Variants in DCTN4 observed in about 807,000 individuals in gnomAD.
DCTN4 encodes the protein dynactin 4 (p62).
DCTN4 carries 23 observed loss-of-function variants against 62.7 expected under a neutral mutation model. That is an observed-to-expected ratio of 0.37 (90% confidence interval 0.26 to 0.52). The LOEUF (loss-of-function observed/expected upper bound fraction) is 0.52, where lower values mean the gene tolerates loss of function less well. DCTN4 is among the 20% of genes least tolerant of loss of function. DCTN4 has a pLI of 0.92. For synonymous variants in DCTN4, 199 were observed against 202.1 expected (o/e 0.98, Z 0.13); for missense variants, 514 against 580.4 (o/e 0.89, Z 1.18).
At chr5:150,713,973 C>T (rs1274075310) in intron 12 of DCTN4, among the ~76,000 whole-genome samples, 1 of 151,840 alleles carries the variant, frequency 6.6e-6, no homozygotes, top group Admixed American at 6.6e-5. Context: ...AAAAATTGGC[C>T]AGGCGTGGTG....
chr5:150,758,159 C>A (rs538866113), intron 1 of DCTN4: 1 of 985,444 alleles, frequency 1.0e-6, no homozygotes, highest in Non-Finnish European at 1.2e-6. Flanking sequence ...ATGTGCCAAG[C>A]GCTGCAGAAG....
intron 11 of DCTN4, among the ~76,000 whole-genome samples, chr5:150,716,044 A>G (rs574188107): frequency 4.6e-5 from 7 of 152,218 alleles, no homozygotes; most frequent in African/African-American, 1.7e-4. Flanking sequence ...AGCTAGGACT[A>G]CAGGTGCCCA....
At chr5:150,758,189 G>A (rs1407415267) in intron 1 of DCTN4, 8 of 985,452 alleles carry the variant, frequency 8.1e-6, no homozygotes, top group Non-Finnish European at 9.6e-6. Flanking sequence ...TTTGTTATTT[G>A]GTGACTTTTT....
At chr5:150,738,246 T>C (rs376680199) in intron 4 of DCTN4, among the ~76,000 whole-genome samples, 4 of 152,082 alleles carry the variant, frequency 2.6e-5, no homozygotes, top group Non-Finnish European at 4.4e-5. Context: ...AAAGAGGGAA[T>C]CCTCCCTAAA....
Position 150,708,775 on chromosome 5 carries a change from A to G in DCTN4, c.*2374T>C, listed in dbSNP as rs901616602. On this transcript the variant is annotated 3_prime_UTR_variant, in exon 13 of 13. Transcript: ENST00000447998. The stretch of plus-strand genomic sequence containing the variant: ...AGCTTTGTCTGCTTTATTTCACTAC[A>G]TTAAGTTAAGCAATAAGGCAAAACA... 4 of 152,828 alleles carry G rather than the reference A, an allele frequency of 2.6e-5. No individual in the cohort carries two copies. In the East Asian group the frequency reaches 7.5e-4, roughly 29 times the overall value. 9.5% of individuals were successfully genotyped at this position (152,828 alleles called of 1,614,324 possible). A position where few individuals can be genotyped will look rare whatever the true frequency, so the allele number is the denominator to read the frequency against.
rs1473403492 is a variant in DCTN4, at chr5:150,711,139, G to C, written c.*10C>G. On this transcript the variant is annotated 3_prime_UTR_variant, in exon 13 of 13. Coordinates refer to ENST00000447998, the MANE Select transcript of DCTN4 (RefSeq NM_016221.4). ...ACTGTCCTTTGGGATCTGCCCTCCA[G>C]TGGAACCTTTTAAGGAAGAAGTGGG... 2 of 1,611,628 alleles carry C rather than the reference G, an allele frequency of 1.2e-6. No homozygotes were observed. Among genetic ancestry groups the C allele is most frequent in the African/African-American group, 2.7e-5 (2 of 74,856 alleles).
At chr5:150,735,573 A>G (rs1165906019) in intron 4 of DCTN4, among the ~76,000 whole-genome samples, 1 of 152,168 alleles carries the variant, frequency 6.6e-6, no homozygotes, top group East Asian at 1.9e-4. Flanking sequence ...AGCAATAACA[A>G]TAATTGCAGT....
At chr5:150,717,247 A>C (rs759825187) in intron 11 of DCTN4, among the ~76,000 whole-genome samples, 1 of 151,936 alleles carries the variant, frequency 6.6e-6, no homozygotes. Flanking sequence ...CTACTTTAAC[A>C]TTTAGTTATT....
At chr5:150,755,079 G>A (rs1262554152) in intron 2 of DCTN4, among the ~76,000 whole-genome samples, 1 of 152,168 alleles carries the variant, frequency 6.6e-6, no homozygotes. Context: ...TCCTAATGAT[G>A]GGGGTATGTC....
chr5:150,713,188 A>G (rs1759631585), intron 12 of DCTN4, among the ~76,000 whole-genome samples: 2 of 152,214 alleles, frequency 1.3e-5, no homozygotes, highest in Non-Finnish European at 2.9e-5. Context: ...AAAATGGTAA[A>G]AAGAAAAACA....
intron 8 of DCTN4, among the ~76,000 whole-genome samples, chr5:150,724,136 C>G (rs6895671): frequency 2.6e-5 from 4 of 151,940 alleles, no homozygotes; most frequent in Admixed American, 2.6e-4. Context: ...ACTAATCTGA[C>G]GATTATGAAA....
Position 150,737,738 on chromosome 5 carries a change from A to C in DCTN4, c.430-4263T>G, listed in dbSNP as rs140087580. 3.3e-3 allele frequency among the ~76,000 whole-genome samples: 500 copies of C among 152,288 alleles called. 2 individuals are homozygous for C. Among genetic ancestry groups the C allele is most frequent in the African/African-American group, 0.011 (454 of 41,558 alleles). Reference sequence around the variant, plus strand: ...GAGAAACAAGAACAAACCAAACCCAAACCTAGCAGAAGAAAAGAAATAACA... The same window carrying C: ...GAGAAACAAGAACAAACCAAACCCACACCTAGCAGAAGAAAAGAAATAACA... On this transcript the variant is annotated intron_variant, in intron 4 of 12. Coordinates refer to ENST00000447998, the MANE Select transcript of DCTN4 (RefSeq NM_016221.4).
At position 150,731,434 on chromosome 5, in the gene DCTN4, C is replaced by T. The variant is rs1260271480; in HGVS notation, c.593G>A (p.Ser198Asn). 3 of 1,613,948 alleles carry T rather than the reference C, an allele frequency of 1.9e-6. No individual in the cohort carries two copies. The highest frequency in any genetic ancestry group is 2.5e-6 in the Non-Finnish European group (3 of 1,180,008). Reference protein sequence around the residue: ...LQRPRAGASISTLAGLSLKEG... With the variant: ...LQRPRAGASINTLAGLSLKEG... ...AACTTACGAAAGTCCGGCAAGGGTA[C>T]TGATGGATGCACCAGCTCGTGGTCG... is the stretch of plus-strand genomic sequence containing the variant. The change falls in exon 6 of 13, where the codon AGT (serine) becomes AAT (asparagine). Residue 198 changes from serine (S) to asparagine (N), a missense_variant. Ser to Asn is a conservative substitution (Grantham distance 46). Transcript: ENST00000447998.
chr5:150,725,692 A>G (rs1410003782), intron 8 of DCTN4, among the ~76,000 whole-genome samples: 1 of 152,140 alleles, frequency 6.6e-6, no homozygotes, highest in Non-Finnish European at 1.5e-5. Flanking sequence ...GAAATTACTG[A>G]TTCCTAACTT....
intron 9 of DCTN4, among the ~76,000 whole-genome samples, chr5:150,721,160 T>G (rs1759944226): frequency 6.6e-6 from 1 of 152,192 alleles, no homozygotes; most frequent in East Asian, 1.9e-4. Context: ...CCCTCCTAGC[T>G]CCTCCTAACT....
chr5:150,731,658 T>A, intron 5 of DCTN4, 169 bp from the exon 6 acceptor site: 1 of 644,300 alleles, frequency 1.6e-6, no homozygotes, highest in South Asian at 2.0e-5. Flanking sequence ...CACATCATTA[T>A]TCTATTCTTA....
intron 4 of DCTN4, 49 bp from the exon 5 acceptor site, chr5:150,733,524 T>C (rs748721632): frequency 2.2e-6 from 3 of 1,380,454 alleles, no homozygotes; most frequent in South Asian, 2.4e-5. Flanking sequence ...ACAGAAAACA[T>C]ATCAAATTAA....
In DCTN4 at chr5:150,731,704, A is replaced by G. The variant is rs553147388; in HGVS notation, c.538-215T>C. On this transcript the variant is annotated intron_variant, in intron 5 of 12. Coordinates refer to ENST00000447998, the MANE Select transcript of DCTN4 (RefSeq NM_016221.4). Reference sequence around the variant, plus strand: ...AGCACTAAACATGGAGATTGAAACTATATTAATACAGTAAAAATGAACCAA... The same window carrying G: ...AGCACTAAACATGGAGATTGAAACTGTATTAATACAGTAAAAATGAACCAA... The G allele has an allele frequency of 1.7e-5, 11 of 659,960 alleles. No individual in the cohort carries two copies. The Admixed American group carries it at 2.7e-4, about 16-fold the overall frequency. 40.9% of individuals were successfully genotyped at this position (659,960 alleles called of 1,614,324 possible). A position where few individuals can be genotyped will look rare whatever the true frequency, so the allele number is the denominator to read the frequency against.
chr5:150,719,096 A>T (rs1312252302), intron 10 of DCTN4, among the ~76,000 whole-genome samples: 1 of 152,218 alleles, frequency 6.6e-6, no homozygotes, highest in African/African-American at 2.4e-5. Flanking sequence ...CTGGGATTAC[A>T]GGTATGAGCC....
Sources: gnomAD v4.1 joint callset for allele counts (sites outside exome capture counted in the v4.1 genomes callset) on GRCh38, gnomAD v4.1.1 for gene constraint, MANE v1.5 for transcripts, NCBI Gene and HGNC (gene_info 2026-07-23, HGNC 2026-07-21) for gene names.